The following NTRK1 variants were observed in gnomAD, a reference collection of about 807,000 sequenced individuals.
NTRK1 encodes high affinity nerve growth factor receptor.
Under a neutral mutation model 86.8 loss-of-function variants are expected in NTRK1, and 62 were observed. The ratio of observed to expected loss-of-function variants is 0.71; its 90% confidence interval spans 0.58 to 0.88. The LOEUF (loss-of-function observed/expected upper bound fraction) is 0.88, where lower values mean the gene tolerates loss of function less well. Ranked by LOEUF, NTRK1 falls within the 40% of genes least tolerant of loss-of-function variation. NTRK1 has a pLI of 0.00. For missense variants in NTRK1, 967 were observed against 1,078.4 expected, an observed-to-expected ratio of 0.90 and a Z score of 1.45; for synonymous variants, 469 against 456.6, an observed-to-expected ratio of 1.03 and a Z score of -0.35.
At chr1:156,880,427 C>T (rs546273537) in intron 16 of NTRK1, 64 of 538,564 alleles carry the variant, frequency 1.2e-4, no homozygotes, top group East Asian at 6.4e-5. Flanking sequence ...CCCAGACCCC[C>T]ATCCCTAGCT....
In NTRK1 at chr1:156,838,165, C is replaced by T. The variant is rs533570812; in HGVS notation, c.-63-3916C>T. Among the ~76,000 whole-genome samples, 73 of 152,160 alleles carry T rather than the reference C, an allele frequency of 4.8e-4. 2 individuals carry two copies. Among genetic ancestry groups the T allele is most frequent in the African/African-American group, 1.6e-3 (66 of 41,518 alleles). On this transcript the variant is annotated intron_variant, in intron 1 of 16. Coordinates refer to the NTRK1 transcript ENST00000392302. ...CTCCCCCAGGCCTCTGGGCCTCTCT[C>T]CCCAGAGAACTCCAACCTGTTCTCC...
chr1:156,840,932 G>A (rs778328398), intron 1 of NTRK1: 1 of 1,614,112 alleles, frequency 6.2e-7, no homozygotes, highest in Non-Finnish European at 8.5e-7. Flanking sequence ...GAGGAGTCAG[G>A]CTCTGCATCG....
chr1:156,832,659 G>A (rs1205170815), intron 1 of NTRK1, among the ~76,000 whole-genome samples: 1 of 152,192 alleles, frequency 6.6e-6, no homozygotes, highest in African/African-American at 2.4e-5. Context: ...CAGGAGGCTC[G>A]AGAGATGAAG....
chr1:156,857,983 G>T (rs1288400622), upstream of NTRK1, among the ~76,000 whole-genome samples: 1 of 152,114 alleles, frequency 6.6e-6, no homozygotes, highest in Non-Finnish European at 1.5e-5. Flanking sequence ...GCCCTGGGGT[G>T]TTGAGGAAGA....
intron 2 of NTRK1, chr1:156,843,162 A>G (rs757756233): frequency 6.3e-5 from 102 of 1,613,920 alleles, no homozygotes; most frequent in Non-Finnish European, 8.1e-5. Flanking sequence ...ACCATCCCAA[A>G]AGAGCCCTGG....
intron 2 of NTRK1, chr1:156,844,808 C>A (rs2102857205): frequency 1.2e-6 from 2 of 1,614,112 alleles, no homozygotes; most frequent in East Asian, 4.5e-5. Context: ...CTGGAGGCCT[C>A]CCAGGCCACC....
intron 15 of NTRK1, among the ~76,000 whole-genome samples, chr1:156,879,630 A>G (rs1648135809): frequency 6.6e-6 from 1 of 151,904 alleles, no homozygotes; most frequent in Admixed American, 6.6e-5. Context: ...TATTTTTTTG[A>G]GACGGCGTCT....
chr1:156,848,990 A>G (rs1381128710), intron 2 of NTRK1: 2 of 1,612,156 alleles, frequency 1.2e-6, no homozygotes, highest in Non-Finnish European at 1.7e-6. Context: ...CTCCCAGCGT[A>G]GCAGGATGCG....
intron 2 of NTRK1, chr1:156,853,708 T>G: frequency 6.4e-7 from 1 of 1,551,200 alleles, no homozygotes; most frequent in Non-Finnish European, 8.8e-7. Context: ...CATGTGACCC[T>G]GCTCTCTCCC....
At chr1:156,864,480 A>G (rs770588223) in intron 2 of NTRK1, 52 bp downstream of exon 2, 3 of 1,579,378 alleles carry the variant, frequency 1.9e-6, no homozygotes, top group East Asian at 2.2e-5. Context: ...CCTGGGGGAG[A>G]CCAGAAGGTC....
rs1647926696 is a variant in NTRK1 at position 156,876,520 on chromosome 1, C to T, written c.1753C>T (p.Leu585=). The T allele has an allele frequency of 1.2e-6, 2 of 1,613,472 alleles. No individual in the cohort carries two copies. Among genetic ancestry groups the T allele is most frequent in the African/African-American group, 1.3e-5 (1 of 74,930 alleles). Residue 585 remains leucine, a synonymous_variant, in exon 14 of 17, where the codon CTG becomes TTG. Transcript: ENST00000524377. ...CGGCGTCTGCACCGAGGGCCGCCCCCTGCTCATGGTCTTTGAGTATATGCG... is the reference window on the plus strand; with the variant it reads ...CGGCGTCTGCACCGAGGGCCGCCCCTTGCTCATGGTCTTTGAGTATATGCG... ...FFGVCTEGRP[L]LMVFEYMRHG...
chr1:156,816,585 CTGAAGTGGGAGCT>C lies in NTRK1; in HGVS notation c.-64+748_-64+760del, dbSNP rs1653957761. 7 of 1,425,872 alleles carry C rather than the reference CTGAAGTGGGAGCT, an allele frequency of 4.9e-6. No homozygotes were observed. In the South Asian group the frequency reaches 7.8e-5, roughly 16 times the overall value. The allele number at this position is 1,425,872 out of a possible 1,614,324, so 88.3% of individuals were successfully genotyped here. On this transcript the variant is annotated intron_variant, in intron 1 of 16. Transcript: ENST00000392302. ...TGGCTTAGGGTGGGGCCCCTCATCC[CTGAAGTGGGAGCT>C]CAAGCCCAGGAGGGAGGGCAGGGGG...
At chr1:156,841,406 C>T in intron 1 of NTRK1, 7 of 1,613,532 alleles carry the variant, frequency 4.3e-6, no homozygotes, top group Non-Finnish European at 5.9e-6. Flanking sequence ...CTGAAGGGGA[C>T]AGCCCTCCAG....
At chr1:156,875,383 C>A (rs2102914363) in intron 11 of NTRK1, 137 bp from the exon 12 acceptor site, 2 of 1,188,168 alleles carry the variant, frequency 1.7e-6, no homozygotes, top group Non-Finnish European at 2.5e-6. Flanking sequence ...CTTCCCCCTG[C>A]CTGCTGTCTC....
In NTRK1 at chr1:156,868,580, T is replaced by C. The variant is rs749242957; in HGVS notation, c.650T>C (p.Val217Ala). The C allele has an allele frequency of 1.7e-5, 26 of 1,552,528 alleles. No individual in the cohort carries two copies. Among genetic ancestry groups the C allele is most frequent in the Non-Finnish European group, 2.3e-5 (26 of 1,147,910 alleles). ...GACGACGTGCTGCTGCGGTGCCAGG[T>C]GGAGGGGCGGGGCCTGGAGCAGGCC... ...VGDDVLLRCQVEGRGLEQAGW... is the reference protein window; with the variant it reads ...VGDDVLLRCQAEGRGLEQAGW... Residue 217 changes from valine to alanine, a missense_variant, in exon 6 of 17, where the codon GTG (valine) becomes GCG (alanine). Physicochemically the swap from Val to Ala is moderately conservative, Grantham distance 64. Coordinates refer to ENST00000524377, the MANE Select transcript of NTRK1 (RefSeq NM_002529.4).
intron 2 of NTRK1, chr1:156,849,478 A>T (rs763722708): frequency 2.2e-6 from 2 of 913,252 alleles, no homozygotes; most frequent in East Asian, 5.8e-5. Context: ...AGGCCAGGGG[A>T]CCTTGCTCTG....
chr1:156,868,603 G>A lies in NTRK1; in HGVS notation c.673G>A (p.Ala225Thr), dbSNP rs2102894591. ...CQVEGRGLEQ[A>T]GWILTELEQS... The stretch of plus-strand genomic sequence containing the variant: ...GGTGGAGGGGCGGGGCCTGGAGCAG[G>A]CCGGCTGGATCCTCACAGAGCTGGA... The change falls in exon 6 of 17, where the codon GCC becomes ACC. Residue 225 changes from alanine to threonine, a missense_variant. Physicochemically the swap from Ala to Thr is moderately conservative, Grantham distance 58. Coordinates refer to ENST00000524377, the MANE Select transcript of NTRK1 (RefSeq NM_002529.4). The A allele has an allele frequency of 6.4e-7, 1 of 1,551,158 alleles. No individual in the cohort carries two copies. Among genetic ancestry groups the A allele is most frequent in the Non-Finnish European group, 8.7e-7 (1 of 1,147,102 alleles).
chr1:156,879,408 A>G (rs1397656010), intron 15 of NTRK1, 46 bp downstream of exon 15: 2 of 1,570,826 alleles, frequency 1.3e-6, no homozygotes, highest in South Asian at 1.2e-5. Flanking sequence ...TCCAAACTGT[A>G]GACACCCTGG....
In NTRK1 at chr1:156,844,948, G is replaced by A. The variant is rs371342485; in HGVS notation, c.50+2755G>A. The A allele has an allele frequency of 6.4e-6, 10 of 1,563,508 alleles. No homozygotes were observed. In the East Asian group the frequency reaches 1.8e-4, roughly 28 times the overall value. On this transcript the variant is annotated intron_variant, in intron 2 of 16. Transcript: ENST00000392302. Reference sequence around the variant, plus strand: ...AGCTGGGAGGTGGGGAAAGCTTTGGGATTATGGGAACTGAGAGGGGCAAGC... The same window carrying A: ...AGCTGGGAGGTGGGGAAAGCTTTGGAATTATGGGAACTGAGAGGGGCAAGC...
Sources: allele counts gnomAD v4.1 joint callset (sites outside exome capture counted in the v4.1 genomes callset), GRCh38; gene constraint gnomAD v4.1.1; transcripts MANE v1.5; gene names NCBI Gene and HGNC (gene_info 2026-07-23, HGNC 2026-07-21).